Variants in TACC2 observed in about 807,000 individuals in gnomAD.
TACC2 encodes transforming acidic coiled-coil containing protein 2, also known as transforming acidic coiled-coil-containing protein 2.
TACC2 carries 137 observed loss-of-function variants against 227.3 expected under a neutral mutation model. The ratio of observed to expected loss-of-function variants is 0.60; its 90% CI spans 0.52 to 0.69. The LOEUF is 0.69. TACC2 is among the 30% of genes least tolerant of loss of function. The probability of loss-of-function intolerance (pLI) is 0.00; values close to 1 mark genes in which losing one functional copy is unlikely to be tolerated. For synonymous variants in TACC2, 1,523 were observed against 1,487.5 expected (o/e 1.02, Z -0.55); for missense variants, 3,470 against 3,694.4 (o/e 0.94, Z 1.57).
chr10:122,183,480 C>G (rs1021395074), intron 7 of TACC2, among the ~76,000 whole-genome samples: 2 of 152,194 alleles, frequency 1.3e-5, no homozygotes, highest in African/African-American at 2.4e-5. Flanking sequence ...CCATGTCACT[C>G]CCTGCGGGTT....
At chr10:122,176,115 CTCTATATATA>C (rs1400839598) in intron 7 of TACC2, among the ~76,000 whole-genome samples, 267 of 47,156 alleles carry the variant, frequency 5.7e-3, no homozygotes, top group African/African-American at 0.02. Flanking sequence ...CTCTCTCTCT[CTCTATATATA>C]TATATATATA....
Position 122,136,882 on chromosome 10 carries a change from T to A in TACC2, c.5699+4148T>A, listed in dbSNP as rs74971752. On this transcript the variant is annotated intron_variant, in intron 6 of 22. Coordinates refer to ENST00000369005, the MANE Select transcript of TACC2 (RefSeq NM_206862.4). ...TTTTTTTTAATTAATAAAAAAAATT[T>A]AAAAAAAAGTAGGGCTGGAGCATTT... is the stretch of plus-strand genomic sequence containing the variant. Among the ~76,000 whole-genome samples the A allele has an allele frequency of 0.013, 2,022 of 151,776 alleles. 82 individuals carry two copies. In the East Asian group the frequency reaches 0.15, roughly 11 times the overall value.
intron 5 of TACC2, among the ~76,000 whole-genome samples, chr10:122,099,336 A>G (rs2081880233): frequency 6.6e-6 from 1 of 152,214 alleles, no homozygotes; most frequent in Non-Finnish European, 1.5e-5. Context: ...CCCAGACCAG[A>G]CTGCCTTTCC....
intron 5 of TACC2, among the ~76,000 whole-genome samples, chr10:122,119,926 AAAAAAAAAAAAG>A (rs1029977642): frequency 1.1e-4 from 5 of 46,888 alleles, no homozygotes; most frequent in Admixed American, 6.2e-4. Context: ...CTCAAAAGAA[AAAAAAAAAAAAG>A]AAAAAGAAAA....
intron 7 of TACC2, among the ~76,000 whole-genome samples, chr10:122,149,183 A>G (rs1043176849): frequency 6.6e-6 from 1 of 152,262 alleles, no homozygotes; most frequent in Non-Finnish European, 1.5e-5. Flanking sequence ...TGTGTTGGAC[A>G]TGAGCTGAGT....
In TACC2 at chr10:122,083,150, G is replaced by A; in HGVS notation, c.650G>A (p.Gly217Glu). 1 of 1,613,242 alleles carries A rather than the reference G, an allele frequency of 6.2e-7. No individual in the cohort carries two copies. Among genetic ancestry groups the A allele is most frequent in the Non-Finnish European group, 8.5e-7 (1 of 1,180,020 alleles). The part of the protein sequence containing the change: ...EPMKAPLCGE[G>E]DQPGGFESQE... ...ATGAAGGCACCGCTGTGTGGAGAGG[G>A]GGACCAGCCTGGTGGTTTTGAGTCC... The change falls in exon 4 of 23, where the codon GGG becomes GAG. Residue 217 changes from glycine (G) to glutamate (E), a missense_variant. By Grantham distance (98) the Gly-to-Glu change is moderately conservative. Transcript: ENST00000369005.
chr10:122,208,755 C>T (rs2095209659), intron 8 of TACC2, among the ~76,000 whole-genome samples: 1 of 152,226 alleles, frequency 6.6e-6, no homozygotes, highest in Admixed American at 6.5e-5. Flanking sequence ...GTACATAACA[C>T]CTGTCACGAG....
Position 122,241,690 on chromosome 10 carries a change from A to G in TACC2, c.8349-268A>G, listed in dbSNP as rs746070. 0.36 allele frequency: 185,861 copies of G among 519,652 alleles called. 34,730 individuals carry two copies. Among genetic ancestry groups the G allele is most frequent in the South Asian group, 0.43 (16,414 of 37,874 alleles). 32.2% of individuals were successfully genotyped at this position (519,652 alleles called of 1,614,324 possible). ...TAATCCACCAGCCTCAGCCTTCTCA[A>G]TACCTGGGACTGCAGGCATGCACCA... On this transcript the variant is annotated intron_variant, in intron 18 of 22. Transcript: ENST00000369005.
chr10:122,045,675 C>G (rs1186419200), intron 2 of TACC2, among the ~76,000 whole-genome samples: 1 of 152,188 alleles, frequency 6.6e-6, no homozygotes, highest in Non-Finnish European at 1.5e-5. Context: ...AGGCAAGCCT[C>G]TCTGTTTCTT....
At position 122,211,705 on chromosome 10, in the gene TACC2, A is replaced by G; in HGVS notation, c.7280A>G (p.Lys2427Arg). ...KPAKKKKTPL[K>R]TDTFRVKKSP... ...GCCAAGAAGAAGAAGACGCCCCTAA[A>G]GACGTAAGTTCAGGGGTGGAGGTGG... is the stretch of plus-strand genomic sequence containing the variant. The change falls in exon 9 of 23, where the codon AAG becomes AGG. Residue 2427 changes from lysine (K) to arginine (R), a missense_variant. Physicochemically the swap from Lys to Arg is conservative, Grantham distance 26. Transcript: ENST00000369005. 1.3e-6 allele frequency: 2 copies of G among 1,545,946 alleles called. No individual in the cohort carries two copies. Among genetic ancestry groups the G allele is most frequent in the South Asian group, 2.6e-5 (2 of 78,312 alleles).
intron 5 of TACC2, among the ~76,000 whole-genome samples, chr10:122,122,040 C>T (rs547833329): frequency 1.1e-4 from 17 of 152,266 alleles, no homozygotes; most frequent in African/African-American, 3.9e-4. Flanking sequence ...CCTTGAGTCT[C>T]GATCTCCTCT....
intron 5 of TACC2, among the ~76,000 whole-genome samples, chr10:122,120,605 C>T (rs932714861): frequency 1.1e-4 from 17 of 152,152 alleles, no homozygotes; most frequent in Admixed American, 9.2e-4. Context: ...GTCAGAGCAG[C>T]TGGGATGGAG....
intron 2 of TACC2, among the ~76,000 whole-genome samples, chr10:122,030,860 C>T (rs1046411343): frequency 1.7e-4 from 26 of 152,020 alleles, no homozygotes; most frequent in African/African-American, 6.3e-4. Context: ...GGGCTCCAGA[C>T]CCATCTGTAC....
intron 5 of TACC2, among the ~76,000 whole-genome samples, chr10:122,102,356 G>A (rs2082270009): frequency 1.3e-5 from 2 of 152,172 alleles, no homozygotes; most frequent in Admixed American, 6.5e-5. Context: ...AAACCAACTC[G>A]GCTCTCAGAT....
chr10:122,126,542 T>A (rs1178390407), intron 5 of TACC2, among the ~76,000 whole-genome samples: 2 of 152,026 alleles, frequency 1.3e-5, no homozygotes, highest in African/African-American at 4.8e-5. Context: ...ATCTCTGGAG[T>A]CCAACCACCT....
chr10:122,041,845 C>CGATTACG (rs1303168251), intron 2 of TACC2, among the ~76,000 whole-genome samples: 2 of 152,262 alleles, frequency 1.3e-5, no homozygotes, highest in Non-Finnish European at 2.9e-5. Context: ...TTCACTGGCA[C>CGATTACG]GATTACGCAA....
chr10:122,159,295 A>G (rs185237352), intron 7 of TACC2, among the ~76,000 whole-genome samples: 3 of 152,332 alleles, frequency 2.0e-5, no homozygotes. Flanking sequence ...GTGATGCGGC[A>G]GTGTGTCCTT....
chr10:122,185,021 CTTTTTTTTTTT>C (rs34148046), intron 7 of TACC2, among the ~76,000 whole-genome samples: 2 of 95,306 alleles, frequency 2.1e-5, no homozygotes, highest in African/African-American at 4.3e-5. Context: ...GTCACTTATT[CTTTTTTTTTTT>C]TTTTTTTTTT....
intron 8 of TACC2, among the ~76,000 whole-genome samples, chr10:122,203,513 T>C (rs2140884148): frequency 6.7e-6 from 1 of 148,870 alleles, no homozygotes; most frequent in South Asian, 2.2e-4. Flanking sequence ...GGCTCCTCAC[T>C]TCTCAGACGG....
Sources: gnomAD v4.1 joint callset for allele counts (sites outside exome capture counted in the v4.1 genomes callset) on GRCh38, gnomAD v4.1.1 for gene constraint, MANE v1.5 for transcripts, NCBI Gene and HGNC (gene_info 2026-07-23, HGNC 2026-07-21) for gene names.